The following SLC5A1 variants were observed in gnomAD, a reference collection of about 807,000 sequenced individuals.
The protein encoded by SLC5A1 is solute carrier family 5 member 1.
A neutral mutation model predicts 73.5 loss-of-function variants in SLC5A1; 42 were observed. That is an observed-to-expected ratio of 0.57 (90% CI 0.45 to 0.74). The LOEUF is 0.74. Ranked by LOEUF, SLC5A1 falls within the 30% of genes least tolerant of loss-of-function variation. The probability of loss-of-function intolerance (pLI) is 0.00; values close to 1 mark genes in which losing one functional copy is unlikely to be tolerated. For missense variants in SLC5A1, 634 were observed against 855.4 expected (o/e 0.74, Z 3.23); for synonymous variants, 300 against 317.4 (o/e 0.95, Z 0.58).
At chr22:32,062,531 C>T (rs1247730866) in intron 2 of SLC5A1, among the ~76,000 whole-genome samples, 1 of 151,948 alleles carries the variant, frequency 6.6e-6, no homozygotes, top group Non-Finnish European at 1.5e-5. Flanking sequence ...CTTTTGAGTC[C>T]CATTGGAGGG....
chr22:32,084,000 T>C (rs903146669), intron 7 of SLC5A1, among the ~76,000 whole-genome samples: 1 of 152,164 alleles, frequency 6.6e-6, no homozygotes, highest in African/African-American at 2.4e-5. Context: ...GTGGTAGGTG[T>C]GGGTCTGAGG....
intron 5 of SLC5A1, among the ~76,000 whole-genome samples, chr22:32,075,070 CTTTTTT>C (rs1045791303): frequency 2.3e-4 from 25 of 107,684 alleles, no homozygotes; most frequent in Admixed American, 5.7e-4. Flanking sequence ...CTATTTTTTA[CTTTTTT>C]TTTTTTTTTT....
At chr22:32,067,519 G>A (rs1157383502) in intron 3 of SLC5A1, among the ~76,000 whole-genome samples, 1 of 151,968 alleles carries the variant, frequency 6.6e-6, no homozygotes, top group Non-Finnish European at 1.5e-5. Context: ...CTACAGGCAT[G>A]TGCCACCATG....
rs766404734 is a variant in SLC5A1, at chr22:32,084,483, A to C, written c.709A>C (p.Met237Leu). The change falls in exon 8 of 15, where the codon ATG becomes CTG. Residue 237 changes from methionine (M) to leucine (L), a missense_variant. By Grantham distance (15) the Met-to-Leu change is conservative. Transcript: ENST00000266088. The part of the protein sequence containing the change: ...GGYDAFMEKY[M>L]KAIPTIVSDG... ...CTATGACGCCTTCATGGAAAAGTACATGAAAGCCATTCCAACCATAGTGTC... is the reference window on the plus strand; with the variant it reads ...CTATGACGCCTTCATGGAAAAGTACCTGAAAGCCATTCCAACCATAGTGTC... 1.7e-5 allele frequency: 27 copies of C among 1,614,268 alleles called. No individual in the cohort carries two copies. The Middle Eastern group carries it at 1.3e-3, about 79-fold the overall frequency.
At chr22:32,053,678 A>G (rs1022524731) in intron 2 of SLC5A1, among the ~76,000 whole-genome samples, 3 of 152,188 alleles carry the variant, frequency 2.0e-5, no homozygotes, top group Non-Finnish European at 2.9e-5. Flanking sequence ...CAGAAAAAAA[A>G]TACCATTTTT....
chr22:32,099,609 T>C (rs967927811), intron 12 of SLC5A1, among the ~76,000 whole-genome samples: 33 of 152,222 alleles, frequency 2.2e-4, no homozygotes, highest in African/African-American at 7.9e-4. Flanking sequence ...TTTTTTTTAA[T>C]AGAGGTGAGG....
intron 13 of SLC5A1, among the ~76,000 whole-genome samples, chr22:32,102,818 T>C (rs2094038874): frequency 6.6e-6 from 1 of 152,148 alleles, no homozygotes; most frequent in Non-Finnish European, 1.5e-5. Flanking sequence ...GGTGAGAACA[T>C]GAGAAATTTG....
At chr22:32,064,129 G>C (rs1021140087) in intron 2 of SLC5A1, among the ~76,000 whole-genome samples, 2 of 152,178 alleles carry the variant, frequency 1.3e-5, no homozygotes, top group African/African-American at 4.8e-5. Flanking sequence ...TATTTATCAA[G>C]CAAGAGGTGA....
intron 14 of SLC5A1, among the ~76,000 whole-genome samples, chr22:32,107,670 A>G (rs1332624311): frequency 6.6e-6 from 1 of 152,208 alleles, no homozygotes; most frequent in Non-Finnish European, 1.5e-5. Context: ...GATTCTGTAG[A>G]GGGAACTTCC....
chr22:32,081,486 G>A (rs1427673195), intron 5 of SLC5A1, among the ~76,000 whole-genome samples: 1 of 152,178 alleles, frequency 6.6e-6, no homozygotes, highest in Non-Finnish European at 1.5e-5. Flanking sequence ...TGTGTACACT[G>A]AGGTGCAAAA....
intron 11 of SLC5A1, among the ~76,000 whole-genome samples, chr22:32,094,345 C>T (rs1193374862): frequency 3.3e-5 from 5 of 152,108 alleles, no homozygotes; most frequent in African/African-American, 1.2e-4. Context: ...TAGGGTGATA[C>T]TGGCTTCATA....
intron 1 of SLC5A1, among the ~76,000 whole-genome samples, chr22:32,046,086 C>A (rs139269692): frequency 6.6e-6 from 1 of 152,240 alleles, no homozygotes; most frequent in East Asian, 1.9e-4. Flanking sequence ...TCATTTGAAC[C>A]GACAGCATCA....
chr22:32,071,766 G>A (rs1465562221), intron 5 of SLC5A1, among the ~76,000 whole-genome samples: 1 of 152,142 alleles, frequency 6.6e-6, no homozygotes, highest in Admixed American at 6.5e-5. Context: ...GGTGAGATGT[G>A]AGTTGGATTG....
At chr22:32,076,722 C>T (rs1488139600) in intron 5 of SLC5A1, among the ~76,000 whole-genome samples, 1 of 152,208 alleles carries the variant, frequency 6.6e-6, no homozygotes, top group South Asian at 2.1e-4. Context: ...ATCTTGGTTA[C>T]GACCAGAATG....
At chr22:32,049,134 T>TTA (rs369446176) in intron 1 of SLC5A1, among the ~76,000 whole-genome samples, 15 of 142,648 alleles carry the variant, frequency 1.1e-4, no homozygotes, top group South Asian at 6.6e-4. Context: ...TATATAATCA[T>TTA]TATATATATA....
At chr22:32,097,289 A>G (rs2094027832) in intron 11 of SLC5A1, among the ~76,000 whole-genome samples, 1 of 152,210 alleles carries the variant, frequency 6.6e-6, no homozygotes, top group South Asian at 2.1e-4. Context: ...TGGCTGGGAA[A>G]GGCTCCTGGG....
rs1243004559 is a variant in SLC5A1, at chr22:32,043,723, G to C, written c.135+307G>C. Among the ~76,000 whole-genome samples the C allele has an allele frequency of 6.6e-6, 1 of 152,208 alleles. No individual in the cohort carries two copies. ...GGAAAGTGTAAGGGGCAGGAAAGCG[G>C]CTGCTTAGAGCTACAGGGAGGGCTC... On this transcript the variant is annotated intron_variant, in intron 1 of 14. Coordinates refer to ENST00000266088, the MANE Select transcript of SLC5A1 (RefSeq NM_000343.4). The surrounding 1 kb of genome is among the most constrained non-coding windows in gnomAD (Gnocchi z 6.5).
At chr22:32,102,425 C>G (rs945660401) in intron 13 of SLC5A1, among the ~76,000 whole-genome samples, 188 bp downstream of exon 13, 2 of 152,002 alleles carry the variant, frequency 1.3e-5, no homozygotes, top group Non-Finnish European at 2.9e-5. Context: ...TCCATTGCCT[C>G]AAGCATTTAT....
chr22:32,089,364 C>T (rs919669538), intron 10 of SLC5A1, among the ~76,000 whole-genome samples: 1 of 151,928 alleles, frequency 6.6e-6, no homozygotes, highest in Non-Finnish European at 1.5e-5. Context: ...GTAGGTGAGA[C>T]CATAAATTAT....
Sources: allele counts gnomAD v4.1 joint callset (sites outside exome capture counted in the v4.1 genomes callset), GRCh38; gene constraint gnomAD v4.1.1; non-coding constraint Gnocchi (gnomAD v3.1); transcripts MANE v1.5; gene names NCBI Gene and HGNC (gene_info 2026-07-23, HGNC 2026-07-21).